The following TDRD9 variants were observed in gnomAD, a reference collection of about 807,000 sequenced individuals.
TDRD9 encodes ATP-dependent RNA helicase TDRD9.
TDRD9 carries 124 observed loss-of-function variants against 172.6 expected under a neutral mutation model. The observed-to-expected ratio is 0.72, with a 90% CI of 0.62 to 0.83. TDRD9 has a LOEUF of 0.83. Among genes scored for constraint, TDRD9 ranks in the 40% least tolerant of loss-of-function variants. TDRD9 has a pLI of 0.00. For missense variants in TDRD9, 1,479 were observed against 1,714.1 expected (o/e 0.86, Z 2.42); for synonymous variants, 619 against 617.1 (o/e 1.00, Z -0.05).
intron 1 of TDRD9, among the ~76,000 whole-genome samples, chr14:103,949,787 C>G (rs1253983780): frequency 6.6e-6 from 1 of 152,118 alleles, no homozygotes; most frequent in Non-Finnish European, 1.5e-5. Context: ...TCAAGTGATT[C>G]TCCTGCCTCA....
intron 6 of TDRD9, among the ~76,000 whole-genome samples, chr14:103,972,974 T>C (rs2152161117): frequency 6.6e-6 from 1 of 152,372 alleles, no homozygotes; most frequent in South Asian, 2.1e-4. Context: ...TTTAAGACTC[T>C]TCTTTTTTAC....
intron 24 of TDRD9, 137 bp from the exon 25 acceptor site, chr14:104,024,432 C>G (rs912884510): frequency 5.6e-6 from 3 of 532,468 alleles, no homozygotes; most frequent in Non-Finnish European, 9.8e-6. Flanking sequence ...AATTTGTCAT[C>G]TCTGGCTTAG....
chr14:103,999,945 T>C (rs1191815658), intron 13 of TDRD9, among the ~76,000 whole-genome samples: 1 of 152,122 alleles, frequency 6.6e-6, no homozygotes, highest in Non-Finnish European at 1.5e-5. Context: ...CTGGCTTTGG[T>C]CTACATTCTT....
In TDRD9 at chr14:104,016,008, A is replaced by G; in HGVS notation, c.2251A>G (p.Asn751Asp). 1.3e-6 allele frequency: 2 copies of G among 1,597,896 alleles called. No homozygotes were observed. Among genetic ancestry groups the G allele is most frequent in the Non-Finnish European group, 8.5e-7 (1 of 1,172,878 alleles). The change falls in exon 22 of 36, where the codon AAT (asparagine) becomes GAT (aspartate). Residue 751 changes from asparagine (N) to aspartate (D), a missense_variant. Around this residue, in one of 3 missense-constraint regions of TDRD9, gnomAD observed 1,413 missense variants for 1,649.1 expected, o/e 0.86. Coordinates refer to ENST00000409874, the MANE Select transcript of TDRD9 (RefSeq NM_153046.3). Reference protein sequence around the residue: ...QVVLAGAFYPNYFTFGQPDEE... With the variant: ...QVVLAGAFYPDYFTFGQPDEE... The stretch of plus-strand genomic sequence containing the variant: ...TGTATTGGCAGGTGCTTTCTATCCA[A>G]ATTACTTTACTTTTGGACAGCCGGA...
chr14:104,037,164 AG>A (rs1163405548), intron 32 of TDRD9, among the ~76,000 whole-genome samples: 2 of 151,562 alleles, frequency 1.3e-5, no homozygotes, highest in East Asian at 1.9e-4. Flanking sequence ...AGCGAGCAGG[AG>A]GGGGGTCTTC....
chr14:104,043,741 C>T (rs746925508), intron 34 of TDRD9, among the ~76,000 whole-genome samples: 1 of 152,154 alleles, frequency 6.6e-6, no homozygotes, highest in Non-Finnish European at 1.5e-5. Context: ...TTTGTTTTAA[C>T]AATTCAATAA....
chr14:104,002,137 T>C (rs1026976324), intron 13 of TDRD9, among the ~76,000 whole-genome samples: 2 of 151,174 alleles, frequency 1.3e-5, no homozygotes, highest in African/African-American at 4.8e-5. Flanking sequence ...TTGGGCAACA[T>C]GGCAAAACCC....
At chr14:103,960,032 A>G (rs989190584) in intron 2 of TDRD9, among the ~76,000 whole-genome samples, 2 of 152,310 alleles carry the variant, frequency 1.3e-5, no homozygotes, top group East Asian at 3.9e-4. Flanking sequence ...AGAATGGCCT[A>G]TGTGGAATGT....
At chr14:104,025,857 T>G (rs1175546282) in intron 26 of TDRD9, 81 bp downstream of exon 26, 3 of 1,245,582 alleles carry the variant, frequency 2.4e-6, no homozygotes, top group Admixed American at 4.0e-5. Context: ...CTTTTATAAT[T>G]GTAGGTGGAA....
chr14:103,989,360 G>A (rs1378092779), intron 8 of TDRD9, among the ~76,000 whole-genome samples: 2 of 152,156 alleles, frequency 1.3e-5, no homozygotes. Flanking sequence ...CCTTTAATAG[G>A]CATTTTCATC....
At chr14:104,051,896 C>T (rs1173486579) in intron 35 of TDRD9, 85 bp from the exon 36 acceptor site, 12 of 764,778 alleles carry the variant, frequency 1.6e-5, no homozygotes, top group Non-Finnish European at 2.7e-5. Context: ...ATACTTTGTG[C>T]ATCCTGGATG....
chr14:103,942,397 G>T (rs2031291371), intron 1 of TDRD9: 1 of 152,134 alleles, frequency 6.6e-6, no homozygotes, highest in Non-Finnish European at 1.5e-5. Flanking sequence ...TTTCAATGTA[G>T]CTCAGTCTAT....
At chr14:103,986,988 C>T (rs762633965) in intron 8 of TDRD9, among the ~76,000 whole-genome samples, 6 of 152,094 alleles carry the variant, frequency 3.9e-5, no homozygotes, top group Non-Finnish European at 7.4e-5. Flanking sequence ...GTGGTGCGCA[C>T]CTGTAGTCCC....
In TDRD9 at chr14:103,997,985, A is replaced by G. The variant is rs956870054; in HGVS notation, c.1379-639A>G. Among the ~76,000 whole-genome samples, 4 of 152,092 alleles carry G rather than the reference A, an allele frequency of 2.6e-5. No homozygotes were observed. The highest frequency in any genetic ancestry group is 9.7e-5 in the African/African-American group (4 of 41,406). On this transcript the variant is annotated intron_variant, in intron 12 of 35. Coordinates refer to ENST00000409874, the MANE Select transcript of TDRD9 (RefSeq NM_153046.3). The surrounding 1 kb of genome is among the most constrained non-coding windows in gnomAD (Gnocchi z 5.1). ...TGTAGGGGAGCAGAGGAAATGGGGC[A>G]GTAAGTGAAGGGGTGGCCCAAGGGA...
intron 34 of TDRD9, among the ~76,000 whole-genome samples, chr14:104,048,609 C>T (rs913521262): frequency 7.2e-5 from 11 of 152,052 alleles, no homozygotes; most frequent in Non-Finnish European, 1.5e-5. Context: ...TTTGATTCTT[C>T]CCTGGCCTCT....
intron 30 of TDRD9, among the ~76,000 whole-genome samples, chr14:104,032,500 C>T (rs9944058): frequency 0.56 from 85,434 of 152,116 alleles, 25,257 homozygotes; most frequent in South Asian, 0.74. Context: ...CCACCATGCC[C>T]GGCCGGAATG....
At chr14:104,047,050 G>A (rs11160783) in intron 34 of TDRD9, among the ~76,000 whole-genome samples, 81,265 of 152,044 alleles carry the variant, frequency 0.53, 22,056 homozygotes, top group South Asian at 0.63. Flanking sequence ...TGGAATTGTG[G>A]TAGGGATTGT....
In TDRD9 at chr14:103,934,509, T is replaced by C. The variant is rs150751588; in HGVS notation, c.215+5785T>C. Among the ~76,000 whole-genome samples the C allele has an allele frequency of 3.8e-3, 584 of 152,186 alleles. 3 individuals are homozygous for C. Among genetic ancestry groups the C allele is most frequent in the Middle Eastern group, 0.034 (10 of 294 alleles). ...AGAGGTATGTCCTAGCCGAGCACGG[T>C]GGCTCATGCCTGTAATCCCAGCACT... On this transcript the variant is annotated intron_variant, in intron 1 of 35. Transcript: ENST00000409874.
intron 22 of TDRD9, 126 bp downstream of exon 22, chr14:104,016,214 G>T: frequency 1.5e-6 from 1 of 645,872 alleles, no homozygotes; most frequent in Non-Finnish European, 2.6e-6. Context: ...AGGCTTGTTT[G>T]GCCTTTTCAG....
Sources: allele counts gnomAD v4.1 joint callset (sites outside exome capture counted in the v4.1 genomes callset), GRCh38; gene constraint gnomAD v4.1.1; regional missense constraint gnomAD v4.1.1; non-coding constraint Gnocchi (gnomAD v3.1); transcripts MANE v1.5; gene names NCBI Gene and HGNC (gene_info 2026-07-23, HGNC 2026-07-21).